The following CNOT4 variants were observed in gnomAD, a reference collection of about 807,000 sequenced individuals.
CNOT4 encodes the protein CCR4-NOT transcription complex subunit 4.
CNOT4 carries 8 observed loss-of-function variants against 73.8 expected under a neutral mutation model. That is an observed-to-expected ratio of 0.11 (90% confidence interval 0.06 to 0.20). The LOEUF (loss-of-function observed/expected upper bound fraction) is 0.20. Ranked by LOEUF, CNOT4 falls within the 10% of genes least tolerant of loss-of-function variation. The probability of loss-of-function intolerance (pLI) is 1.00; values close to 1 mark genes in which losing one functional copy is unlikely to be tolerated. For synonymous variants in CNOT4, 293 were observed against 321.1 expected (o/e 0.91, Z 0.94); for missense variants, 564 against 883.4 (o/e 0.64, Z 4.58).
In CNOT4 at chr7:135,410,808, CAAGT is replaced by C. The variant is rs949448128; in HGVS notation, c.688-164_688-161del. Among the ~76,000 whole-genome samples the C allele has an allele frequency of 8.0e-5, 12 of 150,308 alleles. No homozygotes were observed. In the South Asian group the frequency reaches 8.4e-4, roughly 10 times the overall value. On this transcript the variant is annotated intron_variant, in intron 6 of 11. Coordinates refer to ENST00000541284, the MANE Select transcript of CNOT4 (RefSeq NM_001190850.2). ...ATTTTAAATAAATTTTTAAATAAAA[CAAGT>C]AAGAGAAACCTGTGAGGATATCACA...
chr7:135,420,428 C>T (rs937379184), intron 3 of CNOT4, among the ~76,000 whole-genome samples: 7 of 151,514 alleles, frequency 4.6e-5, no homozygotes, highest in Admixed American at 3.3e-4. Flanking sequence ...AATACAAAAA[C>T]TAGCCAGGTG....
chr7:135,428,747 C>T (rs973624769), intron 2 of CNOT4, among the ~76,000 whole-genome samples: 5 of 151,828 alleles, frequency 3.3e-5, no homozygotes, highest in Admixed American at 3.3e-4. Context: ...ATCAGAGTCA[C>T]AGAGGAGAAG....
At chr7:135,493,971 A>T (rs1040022628) in intron 1 of CNOT4, among the ~76,000 whole-genome samples, 2 of 152,062 alleles carry the variant, frequency 1.3e-5, no homozygotes, top group African/African-American at 4.8e-5. Flanking sequence ...GTAAAATATA[A>T]GTATTGTATC....
intron 1 of CNOT4, among the ~76,000 whole-genome samples, chr7:135,441,767 G>C (rs1207778782): frequency 6.6e-6 from 1 of 152,100 alleles, no homozygotes; most frequent in Non-Finnish European, 1.5e-5. Flanking sequence ...ATATACTGAT[G>C]TTTTGCTTTT....
At chr7:135,390,095 C>G (rs1407467900) in intron 10 of CNOT4, among the ~76,000 whole-genome samples, 3 of 152,158 alleles carry the variant, frequency 2.0e-5, no homozygotes, top group Admixed American at 2.0e-4. Flanking sequence ...TACCCCTGAG[C>G]TGGGCCAATT....
At position 135,363,809 on chromosome 7, in the gene CNOT4, C is replaced by G; in HGVS notation, c.1840+45G>C. The G allele has an allele frequency of 6.8e-7, 1 of 1,481,032 alleles. No individual in the cohort carries two copies. Among genetic ancestry groups the G allele is most frequent in the South Asian group, 1.2e-5 (1 of 82,154 alleles). The allele number at this position is 1,481,032 out of a possible 1,614,324, so 91.7% of individuals were successfully genotyped here. A position where few individuals can be genotyped will look rare whatever the true frequency, so the allele number is the denominator to read the frequency against. On this transcript the variant is annotated intron_variant, in intron 11 of 11. Coordinates refer to ENST00000541284, the MANE Select transcript of CNOT4 (RefSeq NM_001190850.2). This position sits in a 1 kb window ranked among gnomAD's most constrained non-coding sequence, Gnocchi z 4.3. ...TTTTTATTTAATCTGTGCTAAAAAC[C>G]AAACTGTTGGCAGTCAGTGTAGCTG...
intron 10 of CNOT4, among the ~76,000 whole-genome samples, chr7:135,382,845 G>A (rs917259093): frequency 6.6e-6 from 1 of 151,830 alleles, no homozygotes; most frequent in Admixed American, 6.6e-5. Context: ...GTCTTATATC[G>A]AGGACTTGAG....
At chr7:135,499,317 G>A (rs1803808443) in intron 1 of CNOT4, among the ~76,000 whole-genome samples, 1 of 151,706 alleles carries the variant, frequency 6.6e-6, no homozygotes, top group Admixed American at 6.6e-5. Context: ...GTAGATAAAG[G>A]CAGCCAAAAA....
chr7:135,377,549 T>C (rs535351379), intron 10 of CNOT4, among the ~76,000 whole-genome samples: 1 of 152,324 alleles, frequency 6.6e-6, no homozygotes, highest in Admixed American at 6.5e-5. Flanking sequence ...CTAGGGGAAA[T>C]ACAAACTTTT....
rs530691237 is a variant in CNOT4 at position 135,460,067 on chromosome 7, A to G, written c.-92-21644T>C. On this transcript the variant is annotated intron_variant, in intron 1 of 11. Coordinates refer to ENST00000541284, the MANE Select transcript of CNOT4 (RefSeq NM_001190850.2). ...CTTTCTCACTTCTCTCAGCTTTCAT[A>G]CAATGGAAGAGAGAGCCTTGCTCTG... is the stretch of plus-strand genomic sequence containing the variant. Among the ~76,000 whole-genome samples, 53 of 152,358 alleles carry G rather than the reference A, an allele frequency of 3.5e-4. 1 individual carries two copies. Among genetic ancestry groups the G allele is most frequent in the African/African-American group, 1.2e-3 (50 of 41,592 alleles).
At chr7:135,402,728 A>G (rs1563028099) in intron 7 of CNOT4, among the ~76,000 whole-genome samples, 1 of 152,194 alleles carries the variant, frequency 6.6e-6, no homozygotes, top group Non-Finnish European at 1.5e-5. Flanking sequence ...AGATAAAGAA[A>G]TCAAATTCAA....
chr7:135,464,034 A>AAAAAAC (rs1554440583), intron 1 of CNOT4, among the ~76,000 whole-genome samples: 4 of 151,500 alleles, frequency 2.6e-5, no homozygotes, highest in African/African-American at 9.7e-5. Flanking sequence ...CAAAAAAAAA[A>AAAAAAC]AAAAAACAGA....
chr7:135,415,310 A>G, intron 3 of CNOT4, 48 bp from the exon 4 acceptor site: 2 of 948,686 alleles, frequency 2.1e-6, no homozygotes, highest in Middle Eastern at 4.7e-4. Context: ...ATTTTAAACA[A>G]CTTTATCCTT....
intron 1 of CNOT4, among the ~76,000 whole-genome samples, chr7:135,451,073 A>G (rs939181116): frequency 2.0e-5 from 3 of 152,234 alleles, no homozygotes; most frequent in East Asian, 3.8e-4. Flanking sequence ...TCTGCATAAC[A>G]GCCTTAGAGA....
At chr7:135,429,616 A>C (rs893264561) in intron 2 of CNOT4, among the ~76,000 whole-genome samples, 1 of 152,188 alleles carries the variant, frequency 6.6e-6, no homozygotes, top group Non-Finnish European at 1.5e-5. Context: ...TGGTTAGGGC[A>C]ATATTCAGGA....
At chr7:135,477,186 T>C (rs549888533) in intron 1 of CNOT4, among the ~76,000 whole-genome samples, 54 of 151,216 alleles carry the variant, frequency 3.6e-4, no homozygotes, top group Admixed American at 8.6e-4. Flanking sequence ...CCGTTAAAAA[T>C]ACAAAAATTA....
At chr7:135,406,293 C>A (rs1300098483) in intron 7 of CNOT4, among the ~76,000 whole-genome samples, 7 of 126,530 alleles carry the variant, frequency 5.5e-5, no homozygotes, top group African/African-American at 2.0e-4. Context: ...CAGAAAACAT[C>A]CCCACCCCCC....
chr7:135,490,249 A>G (rs935517903), intron 1 of CNOT4, among the ~76,000 whole-genome samples: 26 of 152,244 alleles, frequency 1.7e-4, no homozygotes, highest in Non-Finnish European at 2.9e-5. Flanking sequence ...TCACACAGAA[A>G]GCATAAGAAT....
At chr7:135,391,274 A>G (rs903175596) in intron 10 of CNOT4, among the ~76,000 whole-genome samples, 1 of 152,104 alleles carries the variant, frequency 6.6e-6, no homozygotes, top group African/African-American at 2.4e-5. Context: ...TCTACCAAAT[A>G]TTTATAATCC....
Sources: gnomAD v4.1 joint callset for allele counts (sites outside exome capture counted in the v4.1 genomes callset) on GRCh38, gnomAD v4.1.1 for gene constraint, Gnocchi (gnomAD v3.1) non-coding constraint, MANE v1.5 for transcripts, NCBI Gene and HGNC (gene_info 2026-07-23, HGNC 2026-07-21) for gene names.